USH2A: variants seen among roughly 807,000 people sequenced by gnomAD.
The protein encoded by USH2A is Usher syndrome 2A (autosomal recessive, mild).
USH2A carries 443 observed loss-of-function variants against 538.9 expected under a neutral mutation model. That is an observed-to-expected ratio of 0.82 (90% CI 0.76 to 0.89). The LOEUF is 0.89. Among genes scored for constraint, USH2A ranks in the 40% least tolerant of loss-of-function variants. The pLI is 0.00. For synonymous variants in USH2A, 2,413 were observed against 2,273.5 expected (o/e 1.06, Z -1.75); for missense variants, 6,633 against 6,324.8 (o/e 1.05, Z -1.65).
At chr1:215,858,721 G>T (rs900609252) in intron 44 of USH2A, among the ~76,000 whole-genome samples, 2 of 151,844 alleles carry the variant, frequency 1.3e-5, no homozygotes, top group South Asian at 4.2e-4. Context: ...ATTTTTAGTT[G>T]CAACCTCCAA....
chr1:216,113,274 G>C (rs1187229417), intron 21 of USH2A, among the ~76,000 whole-genome samples: 1 of 151,958 alleles, frequency 6.6e-6, no homozygotes, highest in African/African-American at 2.4e-5. Flanking sequence ...ATACTGAATT[G>C]CATGATCTCT....
chr1:216,128,064 A>G (rs985203663), intron 21 of USH2A, among the ~76,000 whole-genome samples: 1 of 152,166 alleles, frequency 6.6e-6, no homozygotes, highest in Admixed American at 6.5e-5. Flanking sequence ...CATACTGTAT[A>G]GAATCTGATG....
chr1:215,951,266 T>C (rs960353654), intron 37 of USH2A, among the ~76,000 whole-genome samples: 2 of 152,228 alleles, frequency 1.3e-5, no homozygotes, highest in African/African-American at 4.8e-5. Flanking sequence ...TTTGTTCTCA[T>C]TGGTTTCAAA....
intron 3 of USH2A, among the ~76,000 whole-genome samples, chr1:216,377,811 G>GAAAGAAAGAGAAGGAAAGAAAAAA (rs2038854493): frequency 1.2e-4 from 1 of 8,188 alleles, no homozygotes; most frequent in African/African-American, 3.8e-4. Flanking sequence ...GAAATAAAAA[G>GAAAGAAAGAGAAGGAAAGAAAAAA]AAAGAAAGAA....
At chr1:215,694,443 G>A (rs1658731580) in intron 61 of USH2A, among the ~76,000 whole-genome samples, 1 of 152,028 alleles carries the variant, frequency 6.6e-6, no homozygotes, top group Non-Finnish European at 1.5e-5. Context: ...CGTGGTTGCG[G>A]GCACCTGTAG....
intron 52 of USH2A, among the ~76,000 whole-genome samples, chr1:215,786,020 T>C (rs1661791024): frequency 6.6e-6 from 1 of 151,772 alleles, no homozygotes; most frequent in African/African-American, 2.4e-5. Context: ...CTTAAGTAAA[T>C]GGATGAATAA....
In USH2A at chr1:216,361,755, T is replaced by C. The variant is rs572025313; in HGVS notation, c.784+3198A>G. The stretch of plus-strand genomic sequence containing the variant: ...ATGTGGAACAACTGAAATCCTCAAA[T>C]GTTGCTTGTTGGGACACCCACTTTG... On this transcript the variant is annotated intron_variant, in intron 4 of 71. Transcript: ENST00000307340. Among the ~76,000 whole-genome samples the C allele has an allele frequency of 1.1e-4, 16 of 152,298 alleles. 1 individual carries two copies. The South Asian group carries it at 2.9e-3, about 28-fold the overall frequency.
intron 20 of USH2A, among the ~76,000 whole-genome samples, chr1:216,187,261 C>A (rs79286461): frequency 0.012 from 1,820 of 151,972 alleles, 31 homozygotes; most frequent in African/African-American, 0.041. Flanking sequence ...TGGTGTTAAT[C>A]CTACCTGTTG....
At chr1:216,261,576 G>A (rs2036372906) in intron 11 of USH2A, among the ~76,000 whole-genome samples, 1 of 151,226 alleles carries the variant, frequency 6.6e-6, no homozygotes, top group Non-Finnish European at 1.5e-5. Context: ...ACACCAAAAG[G>A]AAAAAAAATT....
intron 32 of USH2A, among the ~76,000 whole-genome samples, chr1:216,022,809 C>A (rs1450725434): frequency 6.6e-6 from 1 of 152,104 alleles, no homozygotes; most frequent in Non-Finnish European, 1.5e-5. Context: ...TAAGGTGGCC[C>A]CTGGTGGAAA....
chr1:215,968,168 A>C (rs1422624401), intron 36 of USH2A, among the ~76,000 whole-genome samples: 2 of 152,176 alleles, frequency 1.3e-5, no homozygotes, highest in African/African-American at 4.8e-5. Flanking sequence ...AAAATTTATA[A>C]AACCCCAATT....
intron 55 of USH2A, 55 bp downstream of exon 55, chr1:215,779,788 C>G: frequency 6.2e-7 from 1 of 1,602,248 alleles, no homozygotes; most frequent in South Asian, 1.1e-5. Context: ...CTTTGCCCCC[C>G]TAACCACAAT....
At chr1:216,011,700 A>G (rs1259311324) in intron 32 of USH2A, among the ~76,000 whole-genome samples, 2 of 152,000 alleles carry the variant, frequency 1.3e-5, no homozygotes, top group African/African-American at 4.8e-5. Context: ...ACTATGCTCA[A>G]CTTACTCTCT....
chr1:216,346,910 G>A (rs911561139), intron 4 of USH2A, among the ~76,000 whole-genome samples: 14 of 151,584 alleles, frequency 9.2e-5, no homozygotes, highest in East Asian at 1.9e-4. Context: ...TTGATTAATC[G>A]GTTTAAAAAT....
chr1:216,052,555 G>A lies in USH2A; in HGVS notation c.6050-3908C>T, dbSNP rs560143059. ...CTTGTTCATCATGCTGTGTGTCAGA[G>A]ACAAAGTTTGTCAAACCAACTGATA... On this transcript the variant is annotated intron_variant, in intron 30 of 71. Coordinates refer to ENST00000307340, the MANE Select transcript of USH2A (RefSeq NM_206933.4). Among the ~76,000 whole-genome samples the A allele has an allele frequency of 2.0e-5, 3 of 152,210 alleles. No individual in the cohort carries two copies. The South Asian group carries it at 6.2e-4, about 32-fold the overall frequency.
At chr1:216,364,892 T>C (rs376743780) in intron 4 of USH2A, 61 bp downstream of exon 4, 2 of 1,599,302 alleles carry the variant, frequency 1.3e-6, no homozygotes, top group Non-Finnish European at 1.7e-6. Context: ...ATTTGTTTGA[T>C]GCATTTTTAA....
At position 215,817,051 on chromosome 1, in the gene USH2A, C is replaced by A. The variant is rs1298228220; in HGVS notation, c.9516G>T (p.Arg3172Ser). The A allele has an allele frequency of 6.2e-7, 1 of 1,612,568 alleles. No individual in the cohort carries two copies. The highest frequency in any genetic ancestry group is 1.3e-5 in the African/African-American group (1 of 74,824). Residue 3172 changes from arginine (R) to serine (S), a missense_variant, in exon 48 of 72, where the codon AGG becomes AGT. Transcript: ENST00000307340. ...CACAGATAGATTCAGGTTTTTGACACCTCACTGCCTTGCAGAGCTCATCAC... is the reference window on the plus strand; with the variant it reads ...CACAGATAGATTCAGGTTTTTGACAACTCACTGCCTTGCAGAGCTCATCAC... The part of the protein sequence containing the change: ...DQSDELCKAV[R>S]CQKPESICGH...
intron 22 of USH2A, among the ~76,000 whole-genome samples, chr1:216,095,056 G>T (rs1365410211): frequency 6.6e-6 from 1 of 152,028 alleles, no homozygotes; most frequent in African/African-American, 2.4e-5. Flanking sequence ...GCACAAAGAG[G>T]TCTCATAGAA....
At chr1:215,916,203 A>T (rs1310104560) in intron 38 of USH2A, among the ~76,000 whole-genome samples, 4 of 152,066 alleles carry the variant, frequency 2.6e-5, no homozygotes, top group Admixed American at 6.6e-5. Flanking sequence ...TAAAATAAAA[A>T]AAAGAAACAA....
Sources: allele counts gnomAD v4.1 joint callset (sites outside exome capture counted in the v4.1 genomes callset), GRCh38; gene constraint gnomAD v4.1.1; transcripts MANE v1.5; gene names NCBI Gene and HGNC (gene_info 2026-07-23, HGNC 2026-07-21).